The following MUSK variants were observed in gnomAD, a reference collection of about 807,000 sequenced individuals.
MUSK encodes the protein muscle, skeletal receptor tyrosine-protein kinase.
MUSK carries 55 observed loss-of-function variants against 88.7 expected under a neutral mutation model. That is an observed-to-expected ratio of 0.62 (90% CI 0.50 to 0.78). The LOEUF (loss-of-function observed/expected upper bound fraction) is 0.78. Among genes scored for constraint, MUSK ranks in the 30% least tolerant of loss-of-function variants. The pLI is 0.00. For missense variants in MUSK, 1,015 were observed against 1,074.3 expected, an observed-to-expected ratio of 0.94 and a Z score of 0.77; for synonymous variants, 387 against 391.9, an observed-to-expected ratio of 0.99 and a Z score of 0.15.
intron 14 of MUSK, among the ~76,000 whole-genome samples, chr9:110,790,439 T>G (rs1375563488): frequency 6.6e-6 from 1 of 152,210 alleles, no homozygotes; most frequent in Non-Finnish European, 1.5e-5. Flanking sequence ...TGTAAATTAA[T>G]GAGAATGATC....
chr9:110,733,360 C>T (rs532211173), intron 5 of MUSK, among the ~76,000 whole-genome samples: 2 of 152,142 alleles, frequency 1.3e-5, no homozygotes, highest in South Asian at 4.2e-4. Flanking sequence ...AGGAATCTAG[C>T]CAATCTCTGG....
At chr9:110,713,011 T>A (rs981905234) in intron 5 of MUSK, among the ~76,000 whole-genome samples, 1 of 152,046 alleles carries the variant, frequency 6.6e-6, no homozygotes, top group Non-Finnish European at 1.5e-5. Flanking sequence ...AGGGCTTTGA[T>A]TGATGAAGAG....
intron 11 of MUSK, among the ~76,000 whole-genome samples, chr9:110,777,904 C>A (rs2077695226): frequency 6.6e-6 from 1 of 152,070 alleles, no homozygotes; most frequent in Non-Finnish European, 1.5e-5. Context: ...CATGAACTAA[C>A]CATTTAAACT....
rs780930282 is a variant in MUSK, at chr9:110,775,742, A to C, written c.1185-46A>C. 3.2e-6 allele frequency: 5 copies of C among 1,578,752 alleles called. No homozygotes were observed. In the East Asian group the frequency reaches 9.0e-5, roughly 28 times the overall value. Reference sequence around the variant, plus strand: ...TTAGGCTCTGCCACAAATTTGCTTTAACATGTAATGATTCATCAAGTTTTG... The same window carrying C: ...TTAGGCTCTGCCACAAATTTGCTTTCACATGTAATGATTCATCAAGTTTTG... On this transcript the variant is annotated intron_variant, in intron 9 of 14. Coordinates refer to ENST00000374448, the MANE Select transcript of MUSK (RefSeq NM_005592.4).
intron 8 of MUSK, among the ~76,000 whole-genome samples, chr9:110,765,670 T>C (rs111578155): frequency 2.1e-3 from 312 of 152,092 alleles, no homozygotes; most frequent in African/African-American, 7.3e-3. Flanking sequence ...GCCCCCCAGA[T>C]TCAAGTGATT....
intron 5 of MUSK, among the ~76,000 whole-genome samples, chr9:110,729,202 A>C (rs1016993192): frequency 6.7e-6 from 1 of 148,250 alleles, no homozygotes; most frequent in Non-Finnish European, 1.5e-5. Flanking sequence ...AAGTTATTTT[A>C]ATTGCACAGA....
At chr9:110,721,032 T>A (rs75462850) in intron 5 of MUSK, among the ~76,000 whole-genome samples, 3,391 of 152,128 alleles carry the variant, frequency 0.022, 128 homozygotes, top group African/African-American at 0.073. Flanking sequence ...TTTGACAAAA[T>A]TAAGCATCCC....
Position 110,805,780 on chromosome 9 carries a change from C to T in MUSK, c.*4792C>T, listed in dbSNP as rs893482792. Among the ~76,000 whole-genome samples the T allele has an allele frequency of 4.0e-5, 6 of 151,822 alleles. No homozygotes were observed. Among genetic ancestry groups the T allele is most frequent in the Non-Finnish European group, 7.4e-5 (5 of 67,828 alleles). Reference sequence around the variant, plus strand: ...GTCTTCTAGGAATAAACTTTTTGGGCGAATCATATCAATCTTCTACTTAAC... The same window carrying T: ...GTCTTCTAGGAATAAACTTTTTGGGTGAATCATATCAATCTTCTACTTAAC... On this transcript the variant is annotated 3_prime_UTR_variant, in exon 15 of 15. Transcript: ENST00000374448.
intron 10 of MUSK, 96 bp from the exon 11 acceptor site, chr9:110,776,536 A>T (rs2077674049): frequency 1.0e-6 from 1 of 974,616 alleles, no homozygotes; most frequent in African/African-American, 1.6e-5. Context: ...TAAAAAGCTG[A>T]GAGAGAACTT....
At chr9:110,711,295 A>G (rs1444394562) in intron 5 of MUSK, among the ~76,000 whole-genome samples, 1 of 152,192 alleles carries the variant, frequency 6.6e-6, no homozygotes, top group African/African-American at 2.4e-5. Context: ...CTCTGTGAAC[A>G]ATGGCTGCAG....
intron 6 of MUSK, among the ~76,000 whole-genome samples, chr9:110,743,547 G>T (rs1313876337): frequency 1.3e-5 from 2 of 152,016 alleles, no homozygotes; most frequent in Non-Finnish European, 2.9e-5. Flanking sequence ...CTCTTGCTTT[G>T]TCCAATAAAT....
rs1211346382 is a variant in MUSK, at chr9:110,734,291, C to A, written c.669C>A (p.Val223=). The A allele has an allele frequency of 6.2e-7, 1 of 1,613,168 alleles. No homozygotes were observed. The highest frequency in any genetic ancestry group is 1.7e-5 in the Admixed American group (1 of 59,918). The change falls in exon 6 of 15, where the codon GTC becomes GTA. Residue 223 remains valine (V), a synonymous_variant. Coordinates refer to ENST00000374448, the MANE Select transcript of MUSK (RefSeq NM_005592.4). ...TGCGGGCTCCTGAATCCCACAATGT[C>A]ACCTTTGGCTCCTTTGTGACCCTGC... ...RILRAPESHN[V]TFGSFVTLHC... is the part of the protein sequence containing the mutation.
At chr9:110,765,592 G>A (rs1418596038) in intron 8 of MUSK, among the ~76,000 whole-genome samples, 1 of 151,792 alleles carries the variant, frequency 6.6e-6, no homozygotes, top group Non-Finnish European at 1.5e-5. Context: ...CTTTTTTTCT[G>A]AGACAGAGTC....
At chr9:110,789,040 G>A (rs1588043956) in intron 14 of MUSK, among the ~76,000 whole-genome samples, 2 of 152,286 alleles carry the variant, frequency 1.3e-5, no homozygotes, top group Admixed American at 1.3e-4. Context: ...AGGTAGGCAG[G>A]TCCTGTCAGG....
intron 8 of MUSK, among the ~76,000 whole-genome samples, chr9:110,766,509 A>G (rs1006339442): frequency 2.6e-5 from 4 of 152,212 alleles, no homozygotes; most frequent in African/African-American, 9.6e-5. Context: ...AAGACTCTAT[A>G]TTACAAAATA....
intron 3 of MUSK, among the ~76,000 whole-genome samples, chr9:110,690,819 T>C (rs1263682076): frequency 8.1e-6 from 1 of 123,620 alleles, no homozygotes; most frequent in African/African-American, 3.3e-5. Context: ...AATATAAGTA[T>C]ATATATAAAT....
intron 5 of MUSK, among the ~76,000 whole-genome samples, chr9:110,699,271 G>C (rs2076471569): frequency 6.6e-6 from 1 of 152,020 alleles, no homozygotes; most frequent in South Asian, 2.1e-4. Context: ...TATTAAATTT[G>C]CTAGAACTGA....
Position 110,687,243 on chromosome 9 carries a change from T to C in MUSK, c.333T>C (p.Ser111=). 2 of 1,613,640 alleles carry C rather than the reference T, an allele frequency of 1.2e-6. No individual in the cohort carries two copies. Among genetic ancestry groups the C allele is most frequent in the Middle Eastern group, 1.7e-4 (1 of 6,052 alleles). Residue 111 remains serine (S), a synonymous_variant, in exon 3 of 15, where the codon AGT becomes AGC. Transcript: ENST00000374448. Reference sequence around the variant, plus strand: ...ATGGTGTGGGAGGAGCTGTGGAGAGTTGTGGAGCCCTGCAAGTGAAGATGA... The same window carrying C: ...ATGGTGTGGGAGGAGCTGTGGAGAGCTGTGGAGCCCTGCAAGTGAAGATGA... ...ANNGVGGAVE[S]CGALQVKMKP...
At chr9:110,797,390 A>T (rs2078025774) in intron 14 of MUSK, among the ~76,000 whole-genome samples, 1 of 152,038 alleles carries the variant, frequency 6.6e-6, no homozygotes, top group South Asian at 2.1e-4. Context: ...AACAACAGGT[A>T]GAGTAACTGA....
Sources: allele counts gnomAD v4.1 joint callset (sites outside exome capture counted in the v4.1 genomes callset), GRCh38; gene constraint gnomAD v4.1.1; transcripts MANE v1.5; gene names NCBI Gene and HGNC (gene_info 2026-07-23, HGNC 2026-07-21).